Variants in SNX7 observed in about 807,000 individuals in gnomAD.
The protein encoded by SNX7 is sorting nexin 7, also known as sorting nexin-7.
In SNX7, 35 loss-of-function variants were observed where a neutral mutation model predicts 48.4. That is an observed-to-expected ratio of 0.72 (90% confidence interval 0.55 to 0.96). The LOEUF is 0.96. SNX7 is among the 40% of genes least tolerant of loss of function. The probability of loss-of-function intolerance (pLI) is 0.00; values close to 1 mark genes in which losing one functional copy is unlikely to be tolerated. For missense variants in SNX7, 553 were observed against 548.9 expected, an observed-to-expected ratio of 1.01 and a Z score of -0.07; for synonymous variants, 190 against 190.2, an observed-to-expected ratio of 1.00 and a Z score of 0.01.
At chr1:98,742,325 C>A (rs1424469363) in intron 8 of SNX7, among the ~76,000 whole-genome samples, 1 of 152,050 alleles carries the variant, frequency 6.6e-6, no homozygotes, top group Non-Finnish European at 1.5e-5. Context: ...TGCTAAATTA[C>A]CATTTCTGAG....
chr1:98,679,203 A>C (rs1306195314), intron 1 of SNX7, among the ~76,000 whole-genome samples: 1 of 152,178 alleles, frequency 6.6e-6, no homozygotes, highest in Non-Finnish European at 1.5e-5. Context: ...CAGCAGGGCA[A>C]AAGAGCTTGT....
intron 1 of SNX7, 62 bp from the exon 2 acceptor site, chr1:98,684,823 T>A (rs1650695718): frequency 8.5e-7 from 1 of 1,177,264 alleles, no homozygotes; most frequent in Admixed American, 2.7e-5. Flanking sequence ...ATTGATAGCA[T>A]CTAGAAATAG....
chr1:98,712,589 G>A (rs986461081), intron 7 of SNX7, among the ~76,000 whole-genome samples: 2 of 152,128 alleles, frequency 1.3e-5, no homozygotes, highest in Non-Finnish European at 2.9e-5. Flanking sequence ...TCCAGGCTTT[G>A]TTATTTCAGG....
intron 7 of SNX7, among the ~76,000 whole-genome samples, chr1:98,720,045 G>A (rs966030932): frequency 2.6e-5 from 4 of 151,302 alleles, no homozygotes; most frequent in Admixed American, 1.3e-4. Context: ...TACTTAATTC[G>A]TTTTCATATG....
intron 7 of SNX7, among the ~76,000 whole-genome samples, chr1:98,702,428 C>T (rs1461767390): frequency 6.6e-6 from 1 of 152,082 alleles, no homozygotes; most frequent in Admixed American, 6.6e-5. Flanking sequence ...CTCTCATATA[C>T]TCATAACTGG....
chr1:98,738,049 C>A (rs1653880078), intron 7 of SNX7, among the ~76,000 whole-genome samples, 188 bp from the exon 8 acceptor site: 1 of 152,062 alleles, frequency 6.6e-6, no homozygotes, highest in South Asian at 2.1e-4. Flanking sequence ...ACTCTACAAC[C>A]CTGACTCAAC....
intron 7 of SNX7, among the ~76,000 whole-genome samples, chr1:98,715,110 C>T (rs1053297636): frequency 6.6e-6 from 1 of 152,074 alleles, no homozygotes; most frequent in Admixed American, 6.5e-5. Context: ...TTATCAAATG[C>T]TCAGACCCAT....
intron 8 of SNX7, among the ~76,000 whole-genome samples, chr1:98,757,044 T>G (rs1331453522): frequency 6.6e-6 from 1 of 151,984 alleles, no homozygotes; most frequent in East Asian, 1.9e-4. Flanking sequence ...TAGCACCACC[T>G]CCACCACTCC....
At chr1:98,712,088 A>G (rs1438402630) in intron 7 of SNX7, among the ~76,000 whole-genome samples, 1 of 152,194 alleles carries the variant, frequency 6.6e-6, no homozygotes, top group Non-Finnish European at 1.5e-5. Flanking sequence ...ATAGTTCTCT[A>G]CTATTTCTGC....
intron 8 of SNX7, among the ~76,000 whole-genome samples, chr1:98,747,269 T>G (rs1456456888): frequency 1.3e-5 from 2 of 152,138 alleles, no homozygotes; most frequent in Non-Finnish European, 2.9e-5. Flanking sequence ...TGGGAAATCT[T>G]GGGTAATAGT....
chr1:98,664,416 T>TA (rs1428282336), intron 1 of SNX7, among the ~76,000 whole-genome samples: 20 of 152,080 alleles, frequency 1.3e-4, no homozygotes, highest in African/African-American at 4.6e-4. Context: ...TAATCCTAGC[T>TA]AACCGGGAAG....
At chr1:98,669,712 C>G (rs1649746240) in intron 1 of SNX7, among the ~76,000 whole-genome samples, 1 of 152,166 alleles carries the variant, frequency 6.6e-6, no homozygotes, top group Admixed American at 6.5e-5. Context: ...TATTTTTCTA[C>G]TTTTGTGTAG....
At chr1:98,722,905 A>G (rs1652962253) in intron 7 of SNX7, among the ~76,000 whole-genome samples, 1 of 152,170 alleles carries the variant, frequency 6.6e-6, no homozygotes, top group Non-Finnish European at 1.5e-5. Context: ...TAATACTCAT[A>G]AAGCCAGTAG....
chr1:98,701,245 A>T (rs1651731608), intron 6 of SNX7, among the ~76,000 whole-genome samples: 2 of 152,300 alleles, frequency 1.3e-5, no homozygotes, highest in Admixed American at 1.3e-4. Context: ...GGAGGCTATG[A>T]TCTCTCATCC....
chr1:98,701,785 A>C (rs1178371287), intron 6 of SNX7, 32 bp from the exon 7 acceptor site: 2 of 1,433,762 alleles, frequency 1.4e-6, no homozygotes, highest in African/African-American at 2.9e-5. Context: ...AACTAAGTAC[A>C]GCCTATTTTA....
At chr1:98,752,518 G>T (rs1654637668) in intron 8 of SNX7, among the ~76,000 whole-genome samples, 1 of 151,934 alleles carries the variant, frequency 6.6e-6, no homozygotes, top group African/African-American at 2.4e-5. Context: ...AAACCATATT[G>T]GTCAGCAACA....
At chr1:98,703,816 TG>T (rs1651880004) in intron 7 of SNX7, among the ~76,000 whole-genome samples, 1 of 152,052 alleles carries the variant, frequency 6.6e-6, no homozygotes, top group Non-Finnish European at 1.5e-5. Context: ...TTTTAGAATT[TG>T]TTTTTAGGTG....
chr1:98,666,039 T>G (rs536509006), intron 1 of SNX7, among the ~76,000 whole-genome samples: 1 of 152,210 alleles, frequency 6.6e-6, no homozygotes, highest in African/African-American at 2.4e-5. Context: ...ATCTATTCTA[T>G]CAAATAATTA....
intron 7 of SNX7, among the ~76,000 whole-genome samples, chr1:98,727,705 A>G (rs1345541458): frequency 6.6e-6 from 1 of 152,124 alleles, no homozygotes; most frequent in African/African-American, 2.4e-5. Context: ...GACCTGATGT[A>G]GCTGAAAAAT....
Sources: allele counts gnomAD v4.1 joint callset (sites outside exome capture counted in the v4.1 genomes callset), GRCh38; gene constraint gnomAD v4.1.1; transcripts MANE v1.5; gene names NCBI Gene and HGNC (gene_info 2026-07-23, HGNC 2026-07-21).